MLLT10: variants seen among roughly 807,000 people sequenced by gnomAD.
The protein encoded by MLLT10 is protein AF-10.
In MLLT10, 30 loss-of-function variants were observed where a neutral mutation model predicts 129.1. The ratio of observed to expected loss-of-function variants is 0.23; its 90% CI spans 0.17 to 0.32. The LOEUF is 0.32. Ranked by LOEUF, MLLT10 falls within the 10% of genes least tolerant of loss-of-function variation. The probability of loss-of-function intolerance (pLI) is 1.00; values close to 1 mark genes in which losing one functional copy is unlikely to be tolerated. For missense variants in MLLT10, 1,119 were observed against 1,268.3 expected (o/e 0.88, Z 1.79); for synonymous variants, 490 against 446.4 (o/e 1.10, Z -1.23).
chr10:21,685,767 G>A (rs2053237427), intron 13 of MLLT10, among the ~76,000 whole-genome samples: 1 of 152,130 alleles, frequency 6.6e-6, no homozygotes, highest in Non-Finnish European at 1.5e-5. Context: ...AAACAAGACA[G>A]TCCAATACAA....
At chr10:21,654,292 T>C (rs1450107959) in intron 9 of MLLT10, among the ~76,000 whole-genome samples, 1 of 152,004 alleles carries the variant, frequency 6.6e-6, no homozygotes, top group African/African-American at 2.4e-5. Flanking sequence ...ATTTTAAAAA[T>C]AAGATAAATA....
chr10:21,659,534 G>A (rs914870775), intron 9 of MLLT10, among the ~76,000 whole-genome samples: 1 of 148,258 alleles, frequency 6.7e-6, no homozygotes, highest in Non-Finnish European at 1.5e-5. Flanking sequence ...TTTTTGAGAC[G>A]GATTCTCGCT....
intron 8 of MLLT10, among the ~76,000 whole-genome samples, chr10:21,637,980 A>G (rs752934796): frequency 2.7e-4 from 41 of 151,990 alleles, no homozygotes; most frequent in Non-Finnish European, 2.1e-4. Flanking sequence ...TGAGTCCTTT[A>G]TCGAAGCTGT....
rs116093522 is a variant in MLLT10 at position 21,664,029 on chromosome 10, C to T, written c.796-6420C>T. On this transcript the variant is annotated intron_variant, in intron 9 of 22. Transcript: ENST00000307729. ...TAGTATAGGCATTTAATGATATAAACTTCCCTCTTAAGTAGGGCTTTATGA... is the reference window on the plus strand; with the variant it reads ...TAGTATAGGCATTTAATGATATAAATTTCCCTCTTAAGTAGGGCTTTATGA... Among the ~76,000 whole-genome samples the T allele has an allele frequency of 3.7e-3, 565 of 152,294 alleles. 4 individuals carry two copies. The highest frequency in any genetic ancestry group is 0.013 in the African/African-American group (555 of 41,564).
intron 3 of MLLT10, among the ~76,000 whole-genome samples, chr10:21,543,846 T>A (rs1018184274): frequency 6.6e-6 from 1 of 152,188 alleles, no homozygotes; most frequent in South Asian, 2.1e-4. Flanking sequence ...GGGCATTGTA[T>A]TATAAGGACA....
At chr10:21,589,979 G>T (rs2042345587) in intron 4 of MLLT10, among the ~76,000 whole-genome samples, 1 of 151,694 alleles carries the variant, frequency 6.6e-6, no homozygotes, top group Non-Finnish European at 1.5e-5. Context: ...TGTTGCCCAG[G>T]CTAGAGTGCA....
At chr10:21,553,078 A>G (rs1427920808) in intron 3 of MLLT10, among the ~76,000 whole-genome samples, 1 of 152,030 alleles carries the variant, frequency 6.6e-6, no homozygotes, top group African/African-American at 2.4e-5. Flanking sequence ...CTGTTTTTCT[A>G]TCCCCCTACT....
chr10:21,653,587 C>T lies in MLLT10; in HGVS notation c.795+1819C>T, dbSNP rs548018113. ...TACCTGGAAAGTCCAAGATAACGTC[C>T]CTATTTTAAAATCCTTAAGTTTAAT... On this transcript the variant is annotated intron_variant, in intron 9 of 22. Transcript: ENST00000307729. Among the ~76,000 whole-genome samples the T allele has an allele frequency of 3.9e-5, 6 of 152,222 alleles. No homozygotes were observed. In the East Asian group the frequency reaches 1.2e-3, roughly 29 times the overall value.
In MLLT10 at chr10:21,677,079, G is replaced by A. The variant is rs1006629140; in HGVS notation, c.1621+3160G>A. Among the ~76,000 whole-genome samples the A allele has an allele frequency of 1.1e-4, 16 of 152,138 alleles. 1 individual carries two copies. The highest frequency in any genetic ancestry group is 3.9e-4 in the African/African-American group (16 of 41,432). ...AAGAAACTGAGACAGAATTCTCTTA[G>A]GTTTTAAGTGATGGAGATATGCATT... On this transcript the variant is annotated intron_variant, in intron 11 of 22. Transcript: ENST00000307729.
chr10:21,589,062 C>G (rs906629716), intron 4 of MLLT10, among the ~76,000 whole-genome samples: 1 of 151,982 alleles, frequency 6.6e-6, no homozygotes, highest in Non-Finnish European at 1.5e-5. Context: ...CAGGTGTGAG[C>G]CACCATGCCC....
At chr10:21,565,018 C>G (rs1219734326) in intron 3 of MLLT10, among the ~76,000 whole-genome samples, 1 of 151,954 alleles carries the variant, frequency 6.6e-6, no homozygotes, top group Admixed American at 6.6e-5. Flanking sequence ...CACTCTGTTC[C>G]ATCAGCTTTT....
Position 21,537,679 on chromosome 10 carries a change from G to C in MLLT10, c.161-1154G>C, listed in dbSNP as rs2034300468. Among the ~76,000 whole-genome samples the C allele has an allele frequency of 2.6e-5, 4 of 152,088 alleles. No individual in the cohort carries two copies. The South Asian group carries it at 8.3e-4, about 32-fold the overall frequency. On this transcript the variant is annotated intron_variant, in intron 2 of 22. Coordinates refer to ENST00000307729, the MANE Select transcript of MLLT10 (RefSeq NM_001195626.3). ...AGATGGGGTTTCACCATCTTGGCCA[G>C]GCTGGTCTGGAACTCCTGACCTCAG...
At chr10:21,644,002 C>A (rs965455124) in intron 8 of MLLT10, among the ~76,000 whole-genome samples, 2 of 152,156 alleles carry the variant, frequency 1.3e-5, no homozygotes, top group African/African-American at 4.8e-5. Context: ...CAATTCTTGG[C>A]AATGTGTATT....
At chr10:21,609,735 C>G (rs1417792212) in intron 5 of MLLT10, among the ~76,000 whole-genome samples, 1 of 152,090 alleles carries the variant, frequency 6.6e-6, no homozygotes, top group African/African-American at 2.4e-5. Flanking sequence ...TTTGTTTTTT[C>G]CCTCTGACTT....
chr10:21,567,307 T>C (rs962461122), intron 3 of MLLT10, among the ~76,000 whole-genome samples: 1 of 152,180 alleles, frequency 6.6e-6, no homozygotes, highest in African/African-American at 2.4e-5. Flanking sequence ...CTTGTCTGTG[T>C]TGACATTTGA....
intron 8 of MLLT10, among the ~76,000 whole-genome samples, chr10:21,631,449 A>T (rs1219194742): frequency 1.1e-4 from 17 of 148,024 alleles, no homozygotes; most frequent in Non-Finnish European, 2.2e-4. Context: ...TTTTTTTTTT[A>T]AATACATCTT....
At chr10:21,577,316 T>C (rs1401855499) in intron 3 of MLLT10, among the ~76,000 whole-genome samples, 2 of 152,248 alleles carry the variant, frequency 1.3e-5, no homozygotes, top group African/African-American at 2.4e-5. Context: ...TGAATAACGT[T>C]ATTATGAACA....
At position 21,742,149 on chromosome 10, in the gene MLLT10, C is replaced by T. The variant is rs1217457450; in HGVS notation, c.*166C>T. The stretch of plus-strand genomic sequence containing the variant: ...TTCTTGTAAGGCTTTGATTAGTTTT[C>T]TTGTTGCTTTGTTGCACTGAAATGG... On this transcript the variant is annotated 3_prime_UTR_variant, in exon 23 of 23. Coordinates refer to ENST00000307729, the MANE Select transcript of MLLT10 (RefSeq NM_001195626.3). 6.5e-6 allele frequency: 4 copies of T among 615,430 alleles called. No homozygotes were observed. Among genetic ancestry groups the T allele is most frequent in the Non-Finnish European group, 8.1e-6 (3 of 368,816 alleles). 38.1% of individuals were successfully genotyped at this position (615,430 alleles called of 1,614,324 possible). A position where few individuals can be genotyped will look rare whatever the true frequency, so the allele number is the denominator to read the frequency against.
chr10:21,700,783 G>A (rs1479525782), intron 13 of MLLT10, among the ~76,000 whole-genome samples: 1 of 152,162 alleles, frequency 6.6e-6, no homozygotes, highest in East Asian at 1.9e-4. Context: ...GTTTCTTGGG[G>A]ATATTGACCT....
Sources: gnomAD v4.1 joint callset for allele counts (sites outside exome capture counted in the v4.1 genomes callset) on GRCh38, gnomAD v4.1.1 for gene constraint, MANE v1.5 for transcripts, NCBI Gene and HGNC (gene_info 2026-07-23, HGNC 2026-07-21) for gene names.